The following NACA variants were observed in gnomAD, a reference collection of about 807,000 sequenced individuals.
NACA encodes nascent polypeptide associated complex subunit alpha.
Under a neutral mutation model 86.4 loss-of-function variants are expected in NACA, and 42 were observed. The observed-to-expected ratio is 0.49, with a 90% CI of 0.38 to 0.63. The LOEUF (loss-of-function observed/expected upper bound fraction) is 0.63, where lower values mean the gene tolerates loss of function less well. Ranked by LOEUF, NACA falls within the 20% of genes least tolerant of loss-of-function variation. The pLI is 0.00. For missense variants in NACA, 2,157 were observed against 2,483.6 expected, an observed-to-expected ratio of 0.87 and a Z score of 2.80; for synonymous variants, 898 against 973.7, an observed-to-expected ratio of 0.92 and a Z score of 1.45.
rs1203003515 is a variant in NACA at position 56,712,491 on chromosome 12, G to A, written c.*47C>T. 11 of 1,576,814 alleles carry A rather than the reference G, an allele frequency of 7.0e-6. No individual in the cohort carries two copies. The highest frequency in any genetic ancestry group is 8.7e-6 in the Non-Finnish European group (10 of 1,150,318). The stretch of plus-strand genomic sequence containing the variant: ...AGAAACAGTACAAATTTCAAACCAA[G>A]CTGCAGTTACTCCTTTGAGACACCA... On this transcript the variant is annotated 3_prime_UTR_variant, in exon 9 of 9. Coordinates refer to ENST00000454682, the MANE Select transcript of NACA (RefSeq NM_001365896.1).
intron 6 of NACA, 57 bp downstream of exon 6, chr12:56,713,480 C>CA (rs1311281895): frequency 1.3e-6 from 2 of 1,577,542 alleles, no homozygotes; most frequent in Non-Finnish European, 1.7e-6. Flanking sequence ...AAAATGTCAG[C>CA]AGTGCTGAGG....
In NACA at chr12:56,719,843, CTAACGGTAA is replaced by C; in HGVS notation, c.1678_1686del (p.Leu560_Leu562del). On this transcript the variant is annotated inframe_deletion, in exon 3 of 9. Coordinates refer to ENST00000454682, the MANE Select transcript of NACA (RefSeq NM_001365896.1). ...GGGGAATTTTTAGGGGCTGCCTGGA[CTAACGGTAA>C]TACAGTAGGGTCTTTCTTGGTGGTG... is the stretch of plus-strand genomic sequence containing the variant. 1 of 1,613,752 alleles carries C rather than the reference CTAACGGTAA, an allele frequency of 6.2e-7. No individual in the cohort carries two copies. The highest frequency in any genetic ancestry group is 8.5e-7 in the Non-Finnish European group (1 of 1,179,826).
intron 3 of NACA, 84 bp from the exon 4 acceptor site, chr12:56,714,771 T>C: frequency 8.1e-7 from 1 of 1,239,364 alleles, no homozygotes; most frequent in South Asian, 1.2e-5. Flanking sequence ...GGACTAGAGG[T>C]GAATGCCTCA....
Position 56,716,579 on chromosome 12 carries a change from G to C in NACA, c.4951C>G (p.Pro1651Ala). The C allele has an allele frequency of 6.9e-7, 1 of 1,455,818 alleles. No homozygotes were observed. Among genetic ancestry groups the C allele is most frequent in the Non-Finnish European group, 9.3e-7 (1 of 1,077,324 alleles). 90.2% of individuals were successfully genotyped at this position (1,455,818 alleles called of 1,614,324 possible). ...PVTPSSLKDS[P>A]TSPASVTCKM... ...CATGTGACAGAAGCTGGGGAAGTAG[G>C]GGAGTCTTTGAGGGAGGAAGGAGTC... Residue 1651 changes from proline to alanine, a missense_variant, in exon 3 of 9, where the codon CCT becomes GCT. Physicochemically the swap from Pro to Ala is conservative, Grantham distance 27 (BLOSUM62 -1). Transcript: ENST00000454682.
At chr12:56,723,280 T>C (rs1252732890) in intron 2 of NACA, among the ~76,000 whole-genome samples, 1 of 152,236 alleles carries the variant, frequency 6.6e-6, no homozygotes, top group African/African-American at 2.4e-5. Flanking sequence ...ATACGTTTAA[T>C]AGCATTAAGG....
In NACA at chr12:56,719,690, C is replaced by T; in HGVS notation, c.1840G>A (p.Val614Ile). ...TTGATTACAGAGGCCGAGGAGTTAA[C>T]ACCCAGAGGGGAGGTCATACTGCTG... is the stretch of plus-strand genomic sequence containing the variant. ...PASSMTSPLG[V>I]NSSASVIKTD... The change falls in exon 3 of 9, where the codon GTT (valine) becomes ATT (isoleucine). Residue 614 changes from valine to isoleucine, a missense_variant. Val to Ile is a conservative substitution (Grantham distance 29). This residue lies in a region of NACA where 947 missense variants were observed against 917.9 expected (regional missense o/e 1.03). Transcript: ENST00000454682. 1.2e-6 allele frequency: 2 copies of T among 1,613,868 alleles called. No individual in the cohort carries two copies. Among genetic ancestry groups the T allele is most frequent in the Non-Finnish European group, 1.7e-6 (2 of 1,179,810 alleles).
intron 5 of NACA, 159 bp from the exon 6 acceptor site, chr12:56,713,842 CTTTA>C (rs1021143658): frequency 1.0e-5 from 8 of 763,710 alleles, no homozygotes; most frequent in East Asian, 2.6e-5. Context: ...ACTTCTGTTA[CTTTA>C]TTTTTTATTT....
intron 2 of NACA, among the ~76,000 whole-genome samples, chr12:56,721,977 G>A (rs1247783290): frequency 6.6e-6 from 1 of 152,200 alleles, no homozygotes; most frequent in Non-Finnish European, 1.5e-5. Flanking sequence ...GAGCAGTGAC[G>A]ATGATGGGGA....
chr12:56,724,215 A>G (rs180753340), intron 2 of NACA, among the ~76,000 whole-genome samples: 51 of 152,304 alleles, frequency 3.3e-4, no homozygotes, highest in Non-Finnish European at 6.2e-4. Flanking sequence ...TTTTGAGGCG[A>G]CAGGCATAAC....
In NACA at chr12:56,716,712, A is replaced by G; in HGVS notation, c.4818T>C (p.Thr1606=). The G allele has an allele frequency of 7.1e-7, 1 of 1,404,062 alleles. No homozygotes were observed. The highest frequency in any genetic ancestry group is 9.5e-7 in the Non-Finnish European group (1 of 1,054,850). 87.0% of individuals were successfully genotyped at this position (1,404,062 alleles called of 1,614,324 possible). A position where few individuals can be genotyped will look rare whatever the true frequency, so the allele number is the denominator to read the frequency against. Reference sequence around the variant, plus strand: ...TAGGTGCCTCTTTGGGGGAAGGAGAAGTCACAGCTGGTGGAATGAGGAGCT... The same window carrying G: ...TAGGTGCCTCTTTGGGGGAAGGAGAGGTCACAGCTGGTGGAATGAGGAGCT... ...PKELLIPPAV[T]SPSPKEAPTP... is the part of the protein sequence containing the mutation. Residue 1606 remains threonine, a synonymous_variant, in exon 3 of 9, where the codon ACT becomes ACC. Transcript: ENST00000454682.
chr12:56,713,747 A>C, intron 5 of NACA, 64 bp from the exon 6 acceptor site: 1 of 1,467,556 alleles, frequency 6.8e-7, no homozygotes, highest in Non-Finnish European at 9.4e-7. Context: ...GAAGCAAGGA[A>C]CATAATACAA....
At position 56,721,307 on chromosome 12, in the gene NACA, A is replaced by C. The variant is rs1331284479; in HGVS notation, c.223T>G (p.Ser75Ala). 1.2e-6 allele frequency: 2 copies of C among 1,610,386 alleles called. No individual in the cohort carries two copies. Among genetic ancestry groups the C allele is most frequent in the Admixed American group, 3.4e-5 (2 of 59,544 alleles). Residue 75 changes from serine (S) to alanine (A), a missense_variant, in exon 3 of 9, where the codon TCG (serine) becomes GCG (alanine). Coordinates refer to ENST00000454682, the MANE Select transcript of NACA (RefSeq NM_001365896.1). ...SPFPSPSTIA[S>A]TPLEVPFPQS... is the part of the protein sequence containing the mutation. Reference sequence around the variant, plus strand: ...GGAAAAGGAACTTCTAAAGGGGTCGAGGCAATAGTAGAGGGGGAAGGGAAT... The same window carrying C: ...GGAAAAGGAACTTCTAAAGGGGTCGCGGCAATAGTAGAGGGGGAAGGGAAT...
rs1953529232 is a variant in NACA, at chr12:56,720,091, G to A, written c.1439C>T (p.Pro480Leu). ...CACAGGTGCCATAACCAAGGCAGCAGGGGAAGTTGGTTCTATGTTACTTAT... is the reference window on the plus strand; with the variant it reads ...CACAGGTGCCATAACCAAGGCAGCAAGGGAAGTTGGTTCTATGTTACTTAT... ...GPISNIEPTS[P>L]AALVMAPVAP... Residue 480 changes from proline (P) to leucine (L), a missense_variant, in exon 3 of 9, where the codon CCT becomes CTT. Physicochemically the swap from Pro to Leu is moderately conservative, Grantham distance 98. Around this residue, in one of 8 missense-constraint regions of NACA, gnomAD observed 947 missense variants for 917.9 expected, o/e 1.03. Coordinates refer to ENST00000454682, the MANE Select transcript of NACA (RefSeq NM_001365896.1). The A allele has an allele frequency of 3.1e-6, 5 of 1,613,990 alleles. No individual in the cohort carries two copies. Among genetic ancestry groups the A allele is most frequent in the Non-Finnish European group, 4.2e-6 (5 of 1,179,890 alleles).
Position 56,716,947 on chromosome 12 carries a change from G to A in NACA, c.4583C>T (p.Ala1528Val). Reference protein sequence around the residue: ...ATPSSRRDPIAPTATLLSKKT... With the variant: ...ATPSSRRDPIVPTATLLSKKT... ...TTTAGAGAGAAGAGTCGCTGTTGGGGCAATGGGGTCCCTTCTGGAGGATGG... is the reference window on the plus strand; with the variant it reads ...TTTAGAGAGAAGAGTCGCTGTTGGGACAATGGGGTCCCTTCTGGAGGATGG... The change falls in exon 3 of 9, where the codon GCC becomes GTC. Residue 1528 changes from alanine (A) to valine (V), a missense_variant. Physicochemically the swap from Ala to Val is moderately conservative, Grantham distance 64. Transcript: ENST00000454682. The A allele has an allele frequency of 1.5e-6, 2 of 1,304,980 alleles. No homozygotes were observed. Among genetic ancestry groups the A allele is most frequent in the Non-Finnish European group, 9.9e-7 (1 of 1,007,488 alleles). 80.8% of individuals were successfully genotyped at this position (1,304,980 alleles called of 1,614,324 possible). A position where few individuals can be genotyped will look rare whatever the true frequency, so the allele number is the denominator to read the frequency against.
At chr12:56,725,110 GA>G (rs1804048767) in intron 1 of NACA, 152 bp downstream of exon 1, 2 of 152,636 alleles carry the variant, frequency 1.3e-5, no homozygotes, top group African/African-American at 4.8e-5. Flanking sequence ...ACCAACCGCA[GA>G]CCCCATTTTG....
chr12:56,719,463 T>A lies in NACA; in HGVS notation c.2067A>T (p.Pro689=). The change falls in exon 3 of 9, where the codon CCA becomes CCT. Residue 689 remains proline (P), a synonymous_variant. Coordinates refer to ENST00000454682, the MANE Select transcript of NACA (RefSeq NM_001365896.1). ...AAGTAGTAAGAGTACCTTCCTTAAC[T>A]GGGTGGTTTTTAGGAGCTAAAGAGA... ...GTVSLAPKNH[P]VKEGTLTTLP... is the part of the protein sequence containing the mutation. 6.2e-7 allele frequency: 1 copy of A among 1,613,734 alleles called. No homozygotes were observed. The highest frequency in any genetic ancestry group is 8.5e-7 in the Non-Finnish European group (1 of 1,179,798).
chr12:56,718,123 GGGGAGGGAGGA>G lies in NACA; in HGVS notation c.3396_3406del (p.Pro1133LysfsTer208). ...GGGTGGGGTAGCTAGACCTCCTTTT[GGGGAGGGAGGA>G]GTTGCAGCTGGGGTTGTGGGTGCCC... On this transcript the variant is annotated frameshift_variant, in exon 3 of 9. Coordinates refer to ENST00000454682, the MANE Select transcript of NACA (RefSeq NM_001365896.1). LOFTEE classifies it high-confidence loss of function. 9.8e-6 allele frequency: 9 copies of G among 921,968 alleles called. No homozygotes were observed. The East Asian group carries it at 2.3e-4, about 23-fold the overall frequency. The allele number at this position is 921,968 out of a possible 1,614,324, so 57.1% of individuals were successfully genotyped here.
chr12:56,712,748 G>A, intron 8 of NACA, 38 bp downstream of exon 8: 1 of 1,613,976 alleles, frequency 6.2e-7, no homozygotes. Context: ...AATTGGTCAG[G>A]GCAGAGGGAG....
chr12:56,718,376 G>C lies in NACA; in HGVS notation c.3154C>G (p.Leu1052Val). 1 of 1,162,116 alleles carries C rather than the reference G, an allele frequency of 8.6e-7. No individual in the cohort carries two copies. Among genetic ancestry groups the C allele is most frequent in the South Asian group, 2.5e-5 (1 of 40,220 alleles). 72.0% of individuals were successfully genotyped at this position (1,162,116 alleles called of 1,614,324 possible). A position where few individuals can be genotyped will look rare whatever the true frequency, so the allele number is the denominator to read the frequency against. The change falls in exon 3 of 9, where the codon CTC (leucine) becomes GTC (valine). Residue 1052 changes from leucine (L) to valine (V), a missense_variant. By Grantham distance (32) the Leu-to-Val change is conservative. This residue lies in a region of NACA where 124 missense variants were observed against 186.5 expected (regional missense o/e 0.66). Transcript: ENST00000454682. ...GGGGTTGTGGGGGCCCCTTTGGGGAGTGGGGTAGCTGCTGGACTTCCTTTG... is the reference window on the plus strand; with the variant it reads ...GGGGTTGTGGGGGCCCCTTTGGGGACTGGGGTAGCTGCTGGACTTCCTTTG... ...SPKGSPAATP[L>V]PKGAPTTPAA...
Sources: allele counts gnomAD v4.1 joint callset (sites outside exome capture counted in the v4.1 genomes callset), GRCh38; gene constraint gnomAD v4.1.1; regional missense constraint gnomAD v4.1.1; transcripts MANE v1.5; gene names NCBI Gene and HGNC (gene_info 2026-07-23, HGNC 2026-07-21).